Variants in PPHLN1 observed in about 807,000 individuals in gnomAD.
The protein encoded by PPHLN1 is periphilin-1.
In PPHLN1, 29 loss-of-function variants were observed where a neutral mutation model predicts 51.3. That is an observed-to-expected ratio of 0.57 (90% CI 0.42 to 0.77). The LOEUF (loss-of-function observed/expected upper bound fraction) is 0.77. Among genes scored for constraint, PPHLN1 ranks in the 30% least tolerant of loss-of-function variants. PPHLN1 has a pLI of 0.00. For synonymous variants in PPHLN1, 147 were observed against 147.8 expected (o/e 0.99, Z 0.04); for missense variants, 436 against 438.4 (o/e 0.99, Z 0.05).
At chr12:42,407,927 A>G (rs1252921557) in intron 9 of PPHLN1, among the ~76,000 whole-genome samples, 4 of 152,182 alleles carry the variant, frequency 2.6e-5, no homozygotes, top group Admixed American at 2.0e-4. Flanking sequence ...TTGGCAGTCC[A>G]TGGATGTGAA....
intron 6 of PPHLN1, 98 bp from the exon 7 acceptor site, chr12:42,387,358 A>C: frequency 7.6e-7 from 1 of 1,312,704 alleles, no homozygotes; most frequent in Non-Finnish European, 1.0e-6. Context: ...TTAGTACTAA[A>C]ATAAGTGTAT....
chr12:42,433,068 T>G, intron 9 of PPHLN1: 1 of 845,982 alleles, frequency 1.2e-6, no homozygotes, highest in Non-Finnish European at 2.1e-6. Context: ...GTATTTTTTT[T>G]TGACAGTTTT....
At position 42,441,345 on chromosome 12, in the gene PPHLN1, ATGG is replaced by A; in HGVS notation, c.946_948del (p.Val316del). ...CCGACAAGACTGTGAAACTTTCGGGATGGTGGTGAAAATGCTGATTGAAAAAGA... is the reference window on the plus strand; with the variant it reads ...CCGACAAGACTGTGAAACTTTCGGGATGGTGAAAATGCTGATTGAAAAAGA... On this transcript the variant is annotated inframe_deletion, in exon 10 of 10. Transcript: ENST00000358314. 6.2e-7 allele frequency: 1 copy of A among 1,612,932 alleles called. No individual in the cohort carries two copies. Among genetic ancestry groups the A allele is most frequent in the Non-Finnish European group, 8.5e-7 (1 of 1,179,282 alleles).
chr12:42,426,190 A>G (rs2081450362), intron 9 of PPHLN1, among the ~76,000 whole-genome samples: 1 of 79,128 alleles, frequency 1.3e-5, no homozygotes, highest in Non-Finnish European at 3.5e-5. Context: ...ACACACACAC[A>G]CACACACACA....
intron 9 of PPHLN1, among the ~76,000 whole-genome samples, chr12:42,439,319 G>A (rs1196375148): frequency 6.6e-6 from 1 of 152,218 alleles, no homozygotes; most frequent in Non-Finnish European, 1.5e-5. Context: ...AGTCTTGAAC[G>A]TAACTGTCAA....
At chr12:42,398,395 T>G (rs185271692) in intron 8 of PPHLN1, among the ~76,000 whole-genome samples, 75 of 152,314 alleles carry the variant, frequency 4.9e-4, no homozygotes, top group African/African-American at 1.7e-3. Context: ...CATTTGGACT[T>G]TTTCTCCTCA....
chr12:42,349,837 CTCTT>C (rs1565785481), intron 2 of PPHLN1, among the ~76,000 whole-genome samples: 1 of 152,216 alleles, frequency 6.6e-6, no homozygotes, highest in Non-Finnish European at 1.5e-5. Context: ...AATCTGATCT[CTCTT>C]TCTTTTCCCC....
intron 7 of PPHLN1, among the ~76,000 whole-genome samples, chr12:42,387,777 TAAG>T (rs889720781): frequency 1.4e-4 from 21 of 152,096 alleles, no homozygotes; most frequent in Admixed American, 8.5e-4. Context: ...AGGGAAGACA[TAAG>T]AAACTCCATT....
chr12:42,432,160 C>T (rs754913248), intron 9 of PPHLN1: 7 of 910,380 alleles, frequency 7.7e-6, no homozygotes, highest in Non-Finnish European at 1.3e-5. Flanking sequence ...CGATCATCTT[C>T]TTCAATGACC....
chr12:42,347,064 GTTTGT>G (rs1284803182), intron 2 of PPHLN1: 1 of 152,138 alleles, frequency 6.6e-6, no homozygotes, highest in African/African-American at 2.4e-5. Flanking sequence ...CTTTTTGTTT[GTTTGT>G]TTCTTTTCAA....
rs1212289027 is a variant in PPHLN1, at chr12:42,411,903, C to CAAAAA, written c.909+12925_909+12929dup. On this transcript the variant is annotated intron_variant, in intron 9 of 9. Coordinates refer to ENST00000358314, the MANE Select transcript of PPHLN1 (RefSeq NM_201439.2). ...TGGGGGATAGAGTGAGACTCAGTCTCAAAAAAAAAAAAAAAAAAAAGGGCT... is the reference window on the plus strand; with the variant it reads ...TGGGGGATAGAGTGAGACTCAGTCTCAAAAAAAAAAAAAAAAAAAAAAAAAGGGCT... 2.9e-3 allele frequency among the ~76,000 whole-genome samples: 99 copies of CAAAAA among 33,976 alleles called. 13 individuals carry two copies. Among genetic ancestry groups the CAAAAA allele is most frequent in the Middle Eastern group, 0.042 (1 of 24 alleles). The allele number at this position is 33,976 out of a possible 152,430, so 22.3% of individuals were successfully genotyped here.
chr12:42,341,655 C>T (rs542791422), intron 2 of PPHLN1, among the ~76,000 whole-genome samples: 1 of 152,074 alleles, frequency 6.6e-6, no homozygotes, highest in East Asian at 1.9e-4. Context: ...CGGAGTCTGG[C>T]TCTATCGCCC....
rs143808157 is a variant in PPHLN1, at chr12:42,365,274, G to A, written c.300-9589G>A. 4.7e-3 allele frequency among the ~76,000 whole-genome samples: 711 copies of A among 152,260 alleles called. 7 individuals carry two copies. Among genetic ancestry groups the A allele is most frequent in the African/African-American group, 0.016 (685 of 41,554 alleles). On this transcript the variant is annotated intron_variant, in intron 4 of 9. Coordinates refer to ENST00000358314, the MANE Select transcript of PPHLN1 (RefSeq NM_201439.2). ...CTTTCTCAAAATAATTCTTGAAATCGTAATTCTTTTTGGAAGTCCCTATTG... is the reference window on the plus strand; with the variant it reads ...CTTTCTCAAAATAATTCTTGAAATCATAATTCTTTTTGGAAGTCCCTATTG...
At chr12:42,332,724 T>C (rs1308087356) in intron 1 of PPHLN1, 2 of 1,380,660 alleles carry the variant, frequency 1.4e-6, no homozygotes, top group South Asian at 2.5e-5. Context: ...ATAGTAGTAT[T>C]TAATATAGTA....
intron 4 of PPHLN1, among the ~76,000 whole-genome samples, chr12:42,366,518 C>T (rs73122434): frequency 0.16 from 24,591 of 151,714 alleles, 2,051 homozygotes; most frequent in Admixed American, 0.2. Flanking sequence ...TGAGCCTGCA[C>T]CTGGCCTTTC....
chr12:42,431,707 C>T, intron 9 of PPHLN1: 1 of 1,114,832 alleles, frequency 9.0e-7, no homozygotes, highest in Non-Finnish European at 1.4e-6. Flanking sequence ...TGACTGTTTT[C>T]TTCTTTTAAG....
At chr12:42,388,890 T>A (rs2077426961) in intron 7 of PPHLN1, among the ~76,000 whole-genome samples, 1 of 152,188 alleles carries the variant, frequency 6.6e-6, no homozygotes, top group African/African-American at 2.4e-5. Context: ...AGCAGTGAGC[T>A]ATGATTGCAC....
rs1432296274 is a variant in PPHLN1 at position 42,375,154 on chromosome 12, G to C, written c.511+80G>C. On this transcript the variant is annotated intron_variant, in intron 5 of 9. Transcript: ENST00000358314. ...TACTGAGTCAGATTTCCTTCTAGGT[G>C]TAAGAGATTTATTTTTTAAACTTTT... 10 of 1,106,034 alleles carry C rather than the reference G, an allele frequency of 9.0e-6. No individual in the cohort carries two copies. The East Asian group carries it at 2.6e-4, about 29-fold the overall frequency. The allele number at this position is 1,106,034 out of a possible 1,614,324, so 68.5% of individuals were successfully genotyped here. A position where few individuals can be genotyped will look rare whatever the true frequency, so the allele number is the denominator to read the frequency against.
intron 6 of PPHLN1, among the ~76,000 whole-genome samples, chr12:42,386,293 T>C (rs939665462): frequency 4.6e-5 from 7 of 152,210 alleles, no homozygotes; most frequent in Non-Finnish European, 7.3e-5. Flanking sequence ...TACTACCAAA[T>C]GTCTGTGGAG....
Sources: allele counts gnomAD v4.1 joint callset (sites outside exome capture counted in the v4.1 genomes callset), GRCh38; gene constraint gnomAD v4.1.1; transcripts MANE v1.5; gene names NCBI Gene and HGNC (gene_info 2026-07-23, HGNC 2026-07-21).